Variants in FOXP4 observed in about 807,000 individuals in gnomAD.
The protein encoded by FOXP4 is forkhead box P4.
A neutral mutation model predicts 82.6 loss-of-function variants in FOXP4; 25 were observed. That is an observed-to-expected ratio of 0.30 (90% confidence interval 0.22 to 0.42). FOXP4 has a LOEUF of 0.42. FOXP4 is among the 10% of genes least tolerant of loss of function. FOXP4 has a pLI of 1.00. For synonymous variants in FOXP4, 415 were observed against 388.2 expected (o/e 1.07, Z -0.81); for missense variants, 785 against 900.9 (o/e 0.87, Z 1.65).
chr6:41,586,368 G>A (rs1298566892), intron 5 of FOXP4, among the ~76,000 whole-genome samples: 1 of 152,140 alleles, frequency 6.6e-6, no homozygotes, highest in East Asian at 1.9e-4. Flanking sequence ...GCTCAAGAGA[G>A]ACTTGCTGAC....
chr6:41,582,628 T>C (rs1323954267), intron 3 of FOXP4, among the ~76,000 whole-genome samples: 1 of 152,200 alleles, frequency 6.6e-6, no homozygotes, highest in Non-Finnish European at 1.5e-5. Context: ...CCCACCTTCT[T>C]TGAGCAGCCT....
intron 2 of FOXP4, among the ~76,000 whole-genome samples, chr6:41,575,544 G>A: frequency 6.6e-6 from 1 of 152,098 alleles, no homozygotes. Context: ...TTGTGGGTAG[G>A]GGGTGTAGGG....
chr6:41,559,575 A>G (rs777368510), intron 1 of FOXP4, among the ~76,000 whole-genome samples: 8 of 152,162 alleles, frequency 5.3e-5, no homozygotes, highest in Non-Finnish European at 1.0e-4. Context: ...TGAGTCCTTT[A>G]CCTGCAGCTC....
intron 2 of FOXP4, among the ~76,000 whole-genome samples, chr6:41,568,559 AG>A (rs1317752560): frequency 7.9e-5 from 12 of 152,340 alleles, no homozygotes; most frequent in African/African-American, 2.6e-4. Flanking sequence ...CCAACCTGAA[AG>A]GGTTCTGTGA....
At position 41,591,329 on chromosome 6, in the gene FOXP4, C is replaced by T. The variant is rs1332753037; in HGVS notation, c.1536+7C>T. Reference sequence around the variant, plus strand: ...AAACACTGCCACCTGGAAGGTGAAGCAGGCCCCTTCCACCTTCTGGGCCCC... The same window carrying T: ...AAACACTGCCACCTGGAAGGTGAAGTAGGCCCCTTCCACCTTCTGGGCCCC... On this transcript the variant is annotated splice_region_variant and intron_variant, in intron 13 of 16. Transcript: ENST00000307972. This position sits in a 1 kb window ranked among gnomAD's most constrained non-coding sequence, Gnocchi z 4.2. 6.3e-7 allele frequency: 1 copy of T among 1,585,024 alleles called. No homozygotes were observed. Among genetic ancestry groups the T allele is most frequent in the South Asian group, 1.1e-5 (1 of 87,396 alleles).
At chr6:41,577,219 G>A (rs1222194846) in intron 2 of FOXP4, among the ~76,000 whole-genome samples, 1 of 152,174 alleles carries the variant, frequency 6.6e-6, no homozygotes, top group Non-Finnish European at 1.5e-5. Context: ...CAAGCCCACA[G>A]CACGATGGTC....
At chr6:41,586,882 AGACGCCACAAC>A (rs1260132476) in intron 5 of FOXP4, 116 bp from the exon 6 acceptor site, 2 of 1,407,598 alleles carry the variant, frequency 1.4e-6, no homozygotes, top group African/African-American at 2.9e-5. Context: ...CTGCAGCTGC[AGACGCCACAAC>A]GACAGCTCCA....
chr6:41,595,893 C>G (rs1321435785), intron 14 of FOXP4, among the ~76,000 whole-genome samples: 1 of 151,524 alleles, frequency 6.6e-6, no homozygotes, highest in Non-Finnish European at 1.5e-5. Flanking sequence ...CGTGCACCAG[C>G]GCACCTGGCC....
rs1278230939 is a variant in FOXP4, at chr6:41,587,439, A to G, written c.799A>G (p.Lys267Glu). 1 of 1,563,674 alleles carries G rather than the reference A, an allele frequency of 6.4e-7. No individual in the cohort carries two copies. Among genetic ancestry groups the G allele is most frequent in the South Asian group, 1.2e-5 (1 of 82,254 alleles). Residue 267 changes from lysine (K) to glutamate (E), a missense_variant, in exon 7 of 17, where the codon AAG (lysine) becomes GAG (glutamate). This residue lies in a region of FOXP4 where 570 missense variants were observed against 634.0 expected (regional missense o/e 0.90). Coordinates refer to ENST00000307972, the MANE Select transcript of FOXP4 (RefSeq NM_001012426.2). ...ATATSFAAPP[K>E]VSPPLSHHTL... ...CGCTACCTCGTTTGCCGCTCCCCCC[A>G]AGGTCTCACCCCCCCTCTCCCACCA...
At chr6:41,556,561 T>G (rs754068623) in intron 1 of FOXP4, among the ~76,000 whole-genome samples, 3 of 152,208 alleles carry the variant, frequency 2.0e-5, no homozygotes, top group African/African-American at 4.8e-5. Flanking sequence ...CCTGACCTTG[T>G]GATCTGCCCG....
Position 41,557,985 on chromosome 6 carries a change from A to G in FOXP4, c.-16-7760A>G, listed in dbSNP as rs192591587. Reference sequence around the variant, plus strand: ...TTGTACTGATCTCCTCCGAGCACCCAAGTGTTGTGCTAAGAAGCCTTGAAT... The same window carrying G: ...TTGTACTGATCTCCTCCGAGCACCCGAGTGTTGTGCTAAGAAGCCTTGAAT... On this transcript the variant is annotated intron_variant, in intron 1 of 16. Coordinates refer to ENST00000307972, the MANE Select transcript of FOXP4 (RefSeq NM_001012426.2). 2.8e-3 allele frequency among the ~76,000 whole-genome samples: 428 copies of G among 152,240 alleles called. 9 individuals are homozygous for G. Among genetic ancestry groups the G allele is most frequent in the East Asian group, 2.7e-3 (14 of 5,168 alleles).
In FOXP4 at chr6:41,594,935, C is replaced by T. The variant is rs371009599; in HGVS notation, c.1602C>T (p.Ala534=). 1.7e-5 allele frequency: 27 copies of T among 1,614,032 alleles called. No individual in the cohort carries two copies. The highest frequency in any genetic ancestry group is 5.3e-5 in the African/African-American group (4 of 74,934). ...CFVRVENVKG[A]VWTVDEREYQ... ...TCCGCGTGGAGAACGTCAAGGGTGCCGTGTGGACTGTGGACGAGCGGGAGT... is the reference window on the plus strand; with the variant it reads ...TCCGCGTGGAGAACGTCAAGGGTGCTGTGTGGACTGTGGACGAGCGGGAGT... The change falls in exon 14 of 17, where the codon GCC becomes GCT. Residue 534 remains alanine (A), a synonymous_variant. Coordinates refer to ENST00000307972, the MANE Select transcript of FOXP4 (RefSeq NM_001012426.2).
intron 2 of FOXP4, among the ~76,000 whole-genome samples, chr6:41,567,811 C>T (rs1176210846): frequency 6.6e-6 from 1 of 152,156 alleles, no homozygotes; most frequent in African/African-American, 2.4e-5. Flanking sequence ...TCCAGTTATT[C>T]CTGTTTGTTT....
intron 2 of FOXP4, among the ~76,000 whole-genome samples, chr6:41,569,089 G>A (rs1765040460): frequency 6.6e-6 from 1 of 152,170 alleles, no homozygotes; most frequent in African/African-American, 2.4e-5. Context: ...CTGGTCATTG[G>A]TGAGTGACAG....
At chr6:41,576,772 G>A (rs1248413008) in intron 2 of FOXP4, among the ~76,000 whole-genome samples, 1 of 152,168 alleles carries the variant, frequency 6.6e-6, no homozygotes, top group Non-Finnish European at 1.5e-5. Flanking sequence ...AGACTGAAGT[G>A]CAGAGAACTG....
chr6:41,587,468 C>T lies in FOXP4; in HGVS notation c.828C>T (p.Thr276=). The T allele has an allele frequency of 1.3e-6, 2 of 1,545,360 alleles. No homozygotes were observed. The highest frequency in any genetic ancestry group is 2.3e-5 in the East Asian group (1 of 44,324). Residue 276 remains threonine, a synonymous_variant, in exon 7 of 17, where the codon ACC becomes ACT. Coordinates refer to ENST00000307972, the MANE Select transcript of FOXP4 (RefSeq NM_001012426.2). ...PKVSPPLSHH[T]LPNGQPTVLT... ...TCTCACCCCCCCTCTCCCACCATAC[C>T]CTGCCCAACGGACAGCCTACTGTGC...
At chr6:41,597,300 A>G (rs1766902773) in intron 15 of FOXP4, 58 bp downstream of exon 15, 2 of 1,558,476 alleles carry the variant, frequency 1.3e-6, no homozygotes, top group Admixed American at 1.7e-5. Context: ...GCTTTCTCAT[A>G]CAAGAGACCC....
intron 12 of FOXP4, 124 bp downstream of exon 12, chr6:41,590,471 C>T (rs967422201): frequency 1.6e-4 from 161 of 1,009,722 alleles, no homozygotes; most frequent in Middle Eastern, 5.3e-4. Flanking sequence ...CTCCCTCTCA[C>T]GTGGCGGTCT....
In FOXP4 at chr6:41,593,268, C is replaced by T. The variant is rs1404806587; in HGVS notation, c.1537-1602C>T. Among the ~76,000 whole-genome samples the T allele has an allele frequency of 6.6e-6, 1 of 152,172 alleles. No homozygotes were observed. The highest frequency in any genetic ancestry group is 1.5e-5 in the Non-Finnish European group (1 of 68,034). On this transcript the variant is annotated intron_variant, in intron 13 of 16. Transcript: ENST00000307972. This position sits in a 1 kb window ranked among gnomAD's most constrained non-coding sequence, Gnocchi z 4.1. ...TCTTTCCCTTCTTCACCTTTGCTGGCTCCCACCCTGAGATACTTTCCACCT... is the reference window on the plus strand; with the variant it reads ...TCTTTCCCTTCTTCACCTTTGCTGGTTCCCACCCTGAGATACTTTCCACCT...
Sources: gnomAD v4.1 joint callset for allele counts (sites outside exome capture counted in the v4.1 genomes callset) on GRCh38, gnomAD v4.1.1 for gene constraint, gnomAD v4.1.1 regional missense constraint, Gnocchi (gnomAD v3.1) non-coding constraint, MANE v1.5 for transcripts, NCBI Gene and HGNC (gene_info 2026-07-23, HGNC 2026-07-21) for gene names.